ALCAM: variants seen among roughly 807,000 people sequenced by gnomAD.
ALCAM encodes the protein CD166 antigen.
A neutral mutation model predicts 70.9 loss-of-function variants in ALCAM; 30 were observed. The ratio of observed to expected loss-of-function variants is 0.42; its 90% confidence interval spans 0.32 to 0.57. The LOEUF (loss-of-function observed/expected upper bound fraction) is 0.57. Among genes scored for constraint, ALCAM ranks in the 20% least tolerant of loss-of-function variants. The probability of loss-of-function intolerance (pLI) is 0.11; values close to 1 mark genes in which losing one functional copy is unlikely to be tolerated. For missense variants in ALCAM, 591 were observed against 695.1 expected (o/e 0.85, Z 1.68); for synonymous variants, 249 against 242.5 (o/e 1.03, Z -0.25).
intron 1 of ALCAM, among the ~76,000 whole-genome samples, chr3:105,486,037 T>G (rs1053704935): frequency 3.9e-5 from 6 of 152,180 alleles, no homozygotes; most frequent in South Asian, 2.1e-4. Context: ...GTATGAAACT[T>G]TTTGGATTAA....
intron 14 of ALCAM, among the ~76,000 whole-genome samples, chr3:105,561,741 A>C: frequency 6.6e-6 from 1 of 152,200 alleles, no homozygotes; most frequent in East Asian, 1.9e-4. Context: ...GAACTTACTA[A>C]AATTTTTATA....
intron 1 of ALCAM, among the ~76,000 whole-genome samples, chr3:105,372,270 C>T (rs888272422): frequency 1.7e-4 from 26 of 152,140 alleles, no homozygotes; most frequent in African/African-American, 6.0e-4. Flanking sequence ...CCCTATAGTA[C>T]GTAAGTCATT....
rs551388175 is a variant in ALCAM, at chr3:105,564,407, G to A, written c.1665-7445G>A. Among the ~76,000 whole-genome samples, 242 of 152,158 alleles carry A rather than the reference G, an allele frequency of 1.6e-3. 1 individual carries two copies. The highest frequency in any genetic ancestry group is 2.9e-3 in the Non-Finnish European group (194 of 68,006). ...ATCTGTTTTAAAAATTAAAAATTATGAGAAAACTTTCTTTTGTATCTACTT... is the reference window on the plus strand; with the variant it reads ...ATCTGTTTTAAAAATTAAAAATTATAAGAAAACTTTCTTTTGTATCTACTT... On this transcript the variant is annotated intron_variant, in intron 14 of 15. Transcript: ENST00000306107.
chr3:105,443,644 G>A (rs73181402), intron 1 of ALCAM, among the ~76,000 whole-genome samples: 7,636 of 152,094 alleles, frequency 0.05, 270 homozygotes, highest in Non-Finnish European at 0.074. Flanking sequence ...ATACATGTAG[G>A]CACATCTTAT....
At chr3:105,572,827 T>C (rs1173853956) in intron 15 of ALCAM, among the ~76,000 whole-genome samples, 1 of 152,120 alleles carries the variant, frequency 6.6e-6, no homozygotes, top group Non-Finnish European at 1.5e-5. Context: ...CCCCACTCCC[T>C]CCTCAAAATA....
intron 14 of ALCAM, among the ~76,000 whole-genome samples, chr3:105,571,431 G>T (rs1400280326): frequency 6.6e-6 from 1 of 152,142 alleles, no homozygotes. Flanking sequence ...TAGCTCAACT[G>T]GGATACATGA....
chr3:105,559,627 A>G (rs1940591661), intron 14 of ALCAM, among the ~76,000 whole-genome samples: 1 of 152,104 alleles, frequency 6.6e-6, no homozygotes, highest in Non-Finnish European at 1.5e-5. Context: ...GGGGACACAA[A>G]CATTCAGTAT....
At chr3:105,539,906 T>G in intron 6 of ALCAM, 69 bp from the exon 7 acceptor site, 2 of 1,519,290 alleles carry the variant, frequency 1.3e-6, no homozygotes, top group Non-Finnish European at 1.8e-6. Context: ...ATTTAGTCAT[T>G]TACATTGTAT....
At position 105,367,320 on chromosome 3, in the gene ALCAM, C is replaced by A; in HGVS notation, c.-89C>A. 1 of 1,403,128 alleles carries A rather than the reference C, an allele frequency of 7.1e-7. No homozygotes were observed. The highest frequency in any genetic ancestry group is 9.9e-7 in the Non-Finnish European group (1 of 1,006,020). 86.9% of individuals were successfully genotyped at this position (1,403,128 alleles called of 1,614,324 possible). A position where few individuals can be genotyped will look rare whatever the true frequency, so the allele number is the denominator to read the frequency against. Reference sequence around the variant, plus strand: ...AAGACGCTGCCCCTGCGTCGGGACCCGCCAGCGCGCGGGCACCGCGGGGCC... The same window carrying A: ...AAGACGCTGCCCCTGCGTCGGGACCAGCCAGCGCGCGGGCACCGCGGGGCC... On this transcript the variant is annotated 5_prime_UTR_variant, in exon 1 of 16. Transcript: ENST00000306107.
intron 3 of ALCAM, among the ~76,000 whole-genome samples, chr3:105,528,258 A>C (rs1342680411): frequency 6.6e-6 from 1 of 152,174 alleles, no homozygotes; most frequent in African/African-American, 2.4e-5. Flanking sequence ...ATGCCAAAAA[A>C]TATACATTTT....
chr3:105,557,592 A>G lies in ALCAM; in HGVS notation c.1664+5007A>G, dbSNP rs543386068. Among the ~76,000 whole-genome samples the G allele has an allele frequency of 1.4e-4, 21 of 152,292 alleles. 1 individual carries two copies. In the South Asian group the frequency reaches 4.3e-3, roughly 32 times the overall value. ...AAAGGCTAAGGAACAAAAAAGTCCC[A>G]TTCTCTGGCATGAGCCAGGCTGTAT... On this transcript the variant is annotated intron_variant, in intron 14 of 15. Transcript: ENST00000306107.
At chr3:105,486,106 C>A in intron 1 of ALCAM, among the ~76,000 whole-genome samples, 1 of 151,942 alleles carries the variant, frequency 6.6e-6, no homozygotes, top group East Asian at 1.9e-4. Flanking sequence ...TTTATAGTAA[C>A]CTTGAACCTT....
chr3:105,529,856 C>T (rs1462267681), intron 3 of ALCAM, among the ~76,000 whole-genome samples: 1 of 152,052 alleles, frequency 6.6e-6, no homozygotes, highest in East Asian at 1.9e-4. Context: ...TAAAGTTATA[C>T]ATTTTCTATT....
chr3:105,488,398 G>A (rs1938489677), intron 1 of ALCAM, among the ~76,000 whole-genome samples: 1 of 152,106 alleles, frequency 6.6e-6, no homozygotes, highest in African/African-American at 2.4e-5. Flanking sequence ...TGGAGACCAG[G>A]AGAGCTCCAT....
chr3:105,458,867 T>A lies in ALCAM; in HGVS notation c.74-61200T>A, dbSNP rs550726106. ...TACATGGCATATTGCAGAAATACCC[T>A]ATTTGGTCTCTCTGTCATTACCCTT... On this transcript the variant is annotated intron_variant, in intron 1 of 15. Coordinates refer to ENST00000306107, the MANE Select transcript of ALCAM (RefSeq NM_001627.4). 4.5e-4 allele frequency among the ~76,000 whole-genome samples: 68 copies of A among 152,324 alleles called. 1 individual carries two copies. In the South Asian group the frequency reaches 0.014, roughly 32 times the overall value.
chr3:105,372,591 T>C (rs1303986912), intron 1 of ALCAM, among the ~76,000 whole-genome samples: 1 of 152,088 alleles, frequency 6.6e-6, no homozygotes, highest in African/African-American at 2.4e-5. Context: ...AAACATCTTC[T>C]AACCAAAGGA....
chr3:105,414,104 G>A (rs1936451597), intron 1 of ALCAM, among the ~76,000 whole-genome samples: 1 of 151,950 alleles, frequency 6.6e-6, no homozygotes, highest in Non-Finnish European at 1.5e-5. Context: ...AGTATATGAA[G>A]AAATGCATAA....
At chr3:105,399,233 C>T (rs1175503731) in intron 1 of ALCAM, among the ~76,000 whole-genome samples, 1 of 151,868 alleles carries the variant, frequency 6.6e-6, no homozygotes, top group African/African-American at 2.4e-5. Flanking sequence ...ATCATCGTAC[C>T]CAGCAAATTT....
intron 14 of ALCAM, among the ~76,000 whole-genome samples, chr3:105,556,852 A>G (rs955602288): frequency 2.8e-4 from 42 of 152,204 alleles, no homozygotes; most frequent in African/African-American, 9.6e-4. Context: ...CTTAAAGCAC[A>G]TTTTAAGTGA....
Sources: allele counts gnomAD v4.1 joint callset (sites outside exome capture counted in the v4.1 genomes callset), GRCh38; gene constraint gnomAD v4.1.1; transcripts MANE v1.5; gene names NCBI Gene and HGNC (gene_info 2026-07-23, HGNC 2026-07-21).